NLGN1: variants seen among roughly 807,000 people sequenced by gnomAD.
NLGN1 encodes the protein neuroligin-1.
A neutral mutation model predicts 65.5 loss-of-function variants in NLGN1; 12 were observed. The ratio of observed to expected loss-of-function variants is 0.18; its 90% confidence interval spans 0.12 to 0.30. The LOEUF (loss-of-function observed/expected upper bound fraction) is 0.30, where lower values mean the gene tolerates loss of function less well. Ranked by LOEUF, NLGN1 falls within the 10% of genes least tolerant of loss-of-function variation. The pLI, the probability that NLGN1 is intolerant of heterozygous loss-of-function variation, is 1.00. For synonymous variants in NLGN1, 350 were observed against 359.5 expected, an observed-to-expected ratio of 0.97 and a Z score of 0.30; for missense variants, 750 against 1,007.1, an observed-to-expected ratio of 0.74 and a Z score of 3.46.
chr3:173,462,931 CTG>C (rs1267489156), intron 2 of NLGN1, among the ~76,000 whole-genome samples: 3 of 152,164 alleles, frequency 2.0e-5, no homozygotes, highest in Non-Finnish European at 4.4e-5. Flanking sequence ...AAAATTCAGT[CTG>C]TGTTTTCTTA....
chr3:174,030,456 A>T (rs1490784995), intron 4 of NLGN1, among the ~76,000 whole-genome samples: 1 of 152,160 alleles, frequency 6.6e-6, no homozygotes, highest in Non-Finnish European at 1.5e-5. Flanking sequence ...AGAAGAGGAC[A>T]TCAAGACTCA....
intron 3 of NLGN1, among the ~76,000 whole-genome samples, chr3:173,691,606 T>A (rs1765471519): frequency 6.6e-6 from 1 of 152,138 alleles, no homozygotes; most frequent in African/African-American, 2.4e-5. Context: ...AACTCAGAGA[T>A]AACGTTTAAG....
chr3:173,865,498 A>G (rs1729958325), intron 4 of NLGN1, among the ~76,000 whole-genome samples: 1 of 152,180 alleles, frequency 6.6e-6, no homozygotes, highest in Admixed American at 6.5e-5. Context: ...TAAGTAATTT[A>G]TTCCTCAATA....
At chr3:173,569,250 G>C (rs1203404112) in intron 2 of NLGN1, among the ~76,000 whole-genome samples, 1 of 151,884 alleles carries the variant, frequency 6.6e-6, no homozygotes, top group Non-Finnish European at 1.5e-5. Flanking sequence ...AAAACAACAC[G>C]GATACCTGGG....
chr3:173,593,393 C>T (rs537875749), intron 2 of NLGN1, among the ~76,000 whole-genome samples: 45 of 152,248 alleles, frequency 3.0e-4, no homozygotes, highest in African/African-American at 9.9e-4. Context: ...CTCCTGTTCA[C>T]GTCGTCCTCT....
At chr3:173,994,413 T>C (rs1247140632) in intron 4 of NLGN1, among the ~76,000 whole-genome samples, 1 of 133,518 alleles carries the variant, frequency 7.5e-6, no homozygotes, top group Non-Finnish European at 1.5e-5. Context: ...TGGATAATTC[T>C]CAGTGAGATT....
chr3:173,550,092 A>G (rs2149261100), intron 2 of NLGN1, among the ~76,000 whole-genome samples: 1 of 152,182 alleles, frequency 6.6e-6, no homozygotes, highest in South Asian at 2.1e-4. Flanking sequence ...TTGATTTTTA[A>G]TATCTCAATT....
chr3:173,684,847 A>T (rs1392665035), intron 3 of NLGN1, among the ~76,000 whole-genome samples: 1 of 152,240 alleles, frequency 6.6e-6, no homozygotes, highest in Non-Finnish European at 1.5e-5. Context: ...TAACTAAGCT[A>T]TTTTAAAAAT....
intron 4 of NLGN1, among the ~76,000 whole-genome samples, chr3:174,048,894 A>G (rs1734206471): frequency 6.6e-6 from 1 of 152,080 alleles, no homozygotes; most frequent in Non-Finnish European, 1.5e-5. Flanking sequence ...TAAGACATTT[A>G]TGGCTCTCAA....
chr3:173,456,324 A>G (rs1047533229), intron 2 of NLGN1, among the ~76,000 whole-genome samples: 7 of 152,142 alleles, frequency 4.6e-5, no homozygotes, highest in Non-Finnish European at 7.4e-5. Context: ...TAGTGTGGCA[A>G]GGAAAGATAC....
intron 4 of NLGN1, among the ~76,000 whole-genome samples, chr3:173,944,105 A>G (rs1030044736): frequency 6.8e-6 from 1 of 146,376 alleles, no homozygotes; most frequent in Admixed American, 6.8e-5. Context: ...GTCATTTTAA[A>G]TGTCCAGTTA....
upstream of NLGN1, chr3:173,398,190 G>T (rs934146619): frequency 6.6e-6 from 1 of 152,246 alleles, no homozygotes; most frequent in Non-Finnish European, 1.5e-5. Context: ...CCTCGGCGGA[G>T]CGCAGAGGAG....
intron 4 of NLGN1, among the ~76,000 whole-genome samples, chr3:173,924,419 G>A (rs1440426513): frequency 6.6e-6 from 1 of 151,858 alleles, no homozygotes; most frequent in African/African-American, 2.4e-5. Flanking sequence ...AACTGTGCAG[G>A]GCTTTTTGAT....
intron 3 of NLGN1, among the ~76,000 whole-genome samples, chr3:173,614,762 A>G (rs946029548): frequency 6.6e-6 from 1 of 151,938 alleles, no homozygotes; most frequent in South Asian, 2.1e-4. Flanking sequence ...CCTCACACAT[A>G]TGTATATGGA....
chr3:173,399,149 G>A (rs1717187168), intron 1 of NLGN1, among the ~76,000 whole-genome samples: 2 of 152,202 alleles, frequency 1.3e-5, no homozygotes, highest in South Asian at 2.1e-4. Context: ...TACTTGCACT[G>A]CAGAGTGATT....
intron 2 of NLGN1, among the ~76,000 whole-genome samples, chr3:173,533,856 C>T (rs948543081): frequency 1.3e-5 from 2 of 152,016 alleles, no homozygotes; most frequent in African/African-American, 4.8e-5. Flanking sequence ...GTGATGCGCG[C>T]CTATAGTCTC....
intron 4 of NLGN1, among the ~76,000 whole-genome samples, chr3:174,228,139 T>G (rs953543065): frequency 6.6e-6 from 1 of 152,078 alleles, no homozygotes; most frequent in Non-Finnish European, 1.5e-5. Flanking sequence ...CAGTTAATTA[T>G]GTAGGTATTT....
chr3:174,107,222 C>CACT (rs1291351725), intron 4 of NLGN1, among the ~76,000 whole-genome samples: 2 of 152,052 alleles, frequency 1.3e-5, no homozygotes, highest in Non-Finnish European at 2.9e-5. Context: ...AGGTAAAGAA[C>CACT]ACTACCATCA....
At chr3:174,001,988 A>C (rs1723384955) in intron 4 of NLGN1, among the ~76,000 whole-genome samples, 1 of 152,000 alleles carries the variant, frequency 6.6e-6, no homozygotes, top group Non-Finnish European at 1.5e-5. Context: ...AAAAGATGCC[A>C]TAGAAATATG....
Sources: gnomAD v4.1 joint callset for allele counts (sites outside exome capture counted in the v4.1 genomes callset) on GRCh38, gnomAD v4.1.1 for gene constraint, MANE v1.5 for transcripts, NCBI Gene and HGNC (gene_info 2026-07-23, HGNC 2026-07-21) for gene names.